CACNA1C: variants seen among roughly 807,000 people sequenced by gnomAD.
CACNA1C encodes voltage-dependent L-type calcium channel subunit alpha-1C.
A neutral mutation model predicts 229.0 loss-of-function variants in CACNA1C; 30 were observed. The observed-to-expected ratio is 0.13, with a 90% CI of 0.10 to 0.18. The LOEUF is 0.18. Among genes scored for constraint, CACNA1C ranks in the 10% least tolerant of loss-of-function variants. The pLI is 1.00. For missense variants in CACNA1C, 1,658 were observed against 2,845.0 expected, an observed-to-expected ratio of 0.58 and a Z score of 9.49; for synonymous variants, 1,114 against 1,132.5, an observed-to-expected ratio of 0.98 and a Z score of 0.33.
chr12:2,088,966 A>G (rs2068901450), intron 1 of CACNA1C, among the ~76,000 whole-genome samples: 1 of 152,078 alleles, frequency 6.6e-6, no homozygotes, highest in South Asian at 2.1e-4. Flanking sequence ...ATGCGGAGGG[A>G]GGGCTGTGCG....
rs1369971999 is a variant in CACNA1C at position 1,996,651 on chromosome 12, AAAAACAAC to A, written c.139+25454_139+25461del. 1.6e-3 allele frequency among the ~76,000 whole-genome samples: 66 copies of A among 40,506 alleles called. 6 individuals carry two copies. The highest frequency in any genetic ancestry group is 8.9e-3 in the African/African-American group (62 of 7,000). 26.6% of individuals were successfully genotyped at this position (40,506 alleles called of 152,430 possible). ...AAAAAAAAAAAAAAAAAAAAAAAAA[AAAAACAAC>A]AAACTCTTCTAATGTTTTAAAGAAG... On this transcript the variant is annotated intron_variant, in intron 1 of 46. Coordinates refer to the CACNA1C transcript ENST00000682462.
intron 34 of CACNA1C, 102 bp downstream of exon 34, chr12:2,655,340 G>A (rs1174093144): frequency 4.4e-6 from 3 of 683,960 alleles, no homozygotes; most frequent in Non-Finnish European, 7.5e-6. Flanking sequence ...CCGGGGAGTA[G>A]GAAGGGAGAG....
At chr12:2,056,269 G>A (rs2054823767) in intron 1 of CACNA1C, among the ~76,000 whole-genome samples, 1 of 151,676 alleles carries the variant, frequency 6.6e-6, no homozygotes, top group African/African-American at 2.4e-5. Context: ...GGAGGTCAGT[G>A]CCTGGGAACA....
chr12:2,549,843 G>T (rs964645624), intron 9 of CACNA1C, 100 bp from the exon 10 acceptor site: 37 of 822,884 alleles, frequency 4.5e-5, no homozygotes, highest in Non-Finnish European at 6.4e-5. Context: ...CTGCCAACCC[G>T]CACTGGGTCT....
chr12:2,333,051 T>C (rs1242361606), intron 3 of CACNA1C, among the ~76,000 whole-genome samples: 1 of 152,128 alleles, frequency 6.6e-6, no homozygotes, highest in East Asian at 1.9e-4. Flanking sequence ...CTTGGACATG[T>C]TCCAGTCCCA....
Position 2,665,263 on chromosome 12 carries a change from A to G in CACNA1C, c.4398+273A>G, listed in dbSNP as rs2096016514. Among the ~76,000 whole-genome samples, 1 of 152,222 alleles carries G rather than the reference A, an allele frequency of 6.6e-6. No individual in the cohort carries two copies. The highest frequency in any genetic ancestry group is 1.5e-5 in the Non-Finnish European group (1 of 68,042). On this transcript the variant is annotated intron_variant, in intron 35 of 46. Coordinates refer to ENST00000399655, the MANE Select transcript of CACNA1C (RefSeq NM_000719.7). The surrounding 1 kb of genome is among the most constrained non-coding windows in gnomAD (Gnocchi z 5.9). ...AACGGGGACATGTGGGGGCCTAGAA[A>G]GAACTGTACTTTTTTGGCATCTTGC...
intron 1 of CACNA1C, among the ~76,000 whole-genome samples, chr12:2,098,396 G>T (rs557236329): frequency 6.6e-6 from 1 of 152,168 alleles, no homozygotes; most frequent in Non-Finnish European, 1.5e-5. Context: ...TTCTTTTGTC[G>T]TGCCTTAGTG....
intron 22 of CACNA1C, among the ~76,000 whole-genome samples, chr12:2,604,065 C>G (rs1300626402): frequency 1.0e-5 from 1 of 100,260 alleles, no homozygotes; most frequent in Admixed American, 9.8e-5. Context: ...CAACAGGAGT[C>G]TGAGGATCTA....
chr12:2,055,650 C>T (rs1354253384), intron 1 of CACNA1C, among the ~76,000 whole-genome samples: 6 of 152,194 alleles, frequency 3.9e-5, no homozygotes, highest in South Asian at 2.1e-4. Flanking sequence ...AGGGAGCCAG[C>T]GGCTGAGAGC....
At chr12:2,559,467 C>T (rs1484713232) in intron 11 of CACNA1C, among the ~76,000 whole-genome samples, 1 of 152,198 alleles carries the variant, frequency 6.6e-6, no homozygotes, top group African/African-American at 2.4e-5. Flanking sequence ...TCTCCCTCGG[C>T]CCTGAGGCTT....
At chr12:2,516,690 G>A (rs2099797526) in intron 9 of CACNA1C, among the ~76,000 whole-genome samples, 1 of 152,200 alleles carries the variant, frequency 6.6e-6, no homozygotes, top group Non-Finnish European at 1.5e-5. Context: ...GTCATTTATG[G>A]ATATGGGGAA....
chr12:2,397,882 C>T (rs1234416074), intron 3 of CACNA1C, among the ~76,000 whole-genome samples: 2 of 152,260 alleles, frequency 1.3e-5, no homozygotes, highest in African/African-American at 4.8e-5. Flanking sequence ...TGGCAGACAG[C>T]GTGCTTTGTC....
chr12:2,489,279 A>C lies in CACNA1C; in HGVS notation c.916+3017A>C, dbSNP rs548005477. Among the ~76,000 whole-genome samples, 5 of 152,304 alleles carry C rather than the reference A, an allele frequency of 3.3e-5. No individual in the cohort carries two copies. In the South Asian group the frequency reaches 1.0e-3, roughly 32 times the overall value. On this transcript the variant is annotated intron_variant, in intron 6 of 46. Transcript: ENST00000399655. ...ATTTCACAGACTGTGAATTTTATGT[A>C]TCTCTAGATTTCAAAATACGTTTGA...
chr12:2,450,245 G>A (rs1213107723), intron 4 of CACNA1C, among the ~76,000 whole-genome samples: 7 of 152,144 alleles, frequency 4.6e-5, no homozygotes, highest in Admixed American at 2.0e-4. Context: ...CTACACTGGT[G>A]AAGTGTAAGT....
In CACNA1C at chr12:2,352,789, T is replaced by C. The variant is rs1276872940; in HGVS notation, c.478-96187T>C. Among the ~76,000 whole-genome samples the C allele has an allele frequency of 2.6e-5, 4 of 152,306 alleles. No individual in the cohort carries two copies. The East Asian group carries it at 7.7e-4, about 29-fold the overall frequency. ...TGGCAAAGAAAAATGAGTTCAGGAC[T>C]AACCCTGACCTACCTCTTTGTTGTG... is the stretch of plus-strand genomic sequence containing the variant. On this transcript the variant is annotated intron_variant, in intron 3 of 46. Coordinates refer to ENST00000399655, the MANE Select transcript of CACNA1C (RefSeq NM_000719.7).
At chr12:2,329,439 G>A (rs2096464221) in intron 3 of CACNA1C, among the ~76,000 whole-genome samples, 2 of 152,298 alleles carry the variant, frequency 1.3e-5, no homozygotes, top group East Asian at 3.9e-4. Flanking sequence ...TTCACCTGCA[G>A]TGTCAGTGCA....
chr12:2,336,889 G>A lies in CACNA1C; in HGVS notation c.478-112087G>A, dbSNP rs73035408. Among the ~76,000 whole-genome samples the A allele has an allele frequency of 1.3e-3, 196 of 152,288 alleles. 1 individual carries two copies. The highest frequency in any genetic ancestry group is 2.1e-3 in the Non-Finnish European group (140 of 68,026). ...CGGGCAGGGTTGGGACACAGGATGA[G>A]ATACTACTCTTTTAAGAGTAAGACA... is the stretch of plus-strand genomic sequence containing the variant. On this transcript the variant is annotated intron_variant, in intron 3 of 46. Coordinates refer to ENST00000399655, the MANE Select transcript of CACNA1C (RefSeq NM_000719.7).
chr12:2,667,249 TTCCTTTTCTCCCTCCCC>T (rs2096205142), intron 37 of CACNA1C, among the ~76,000 whole-genome samples: 24 of 126,178 alleles, frequency 1.9e-4, no homozygotes, highest in Admixed American at 7.8e-4. Flanking sequence ...AAAGTGTCGT[TTCCTTTTCTCCCTCCCC>T]TCCACCATGG....
At chr12:2,321,333 G>T (rs2095987931) in intron 3 of CACNA1C, among the ~76,000 whole-genome samples, 1 of 151,874 alleles carries the variant, frequency 6.6e-6, no homozygotes, top group Non-Finnish European at 1.5e-5. Flanking sequence ...ATAGCTTTTG[G>T]AGTCCCATTT....
Sources: allele counts gnomAD v4.1 joint callset (sites outside exome capture counted in the v4.1 genomes callset), GRCh38; gene constraint gnomAD v4.1.1; non-coding constraint Gnocchi (gnomAD v3.1); transcripts MANE v1.5; gene names NCBI Gene and HGNC (gene_info 2026-07-23, HGNC 2026-07-21).